The following DOCK11 variants were observed in gnomAD, a reference collection of about 807,000 sequenced individuals.
DOCK11 encodes dedicator of cytokinesis 11.
Under a neutral mutation model 169.1 loss-of-function variants are expected in DOCK11, and 70 were observed. The observed-to-expected ratio is 0.41, with a 90% CI of 0.34 to 0.51. DOCK11 has a LOEUF of 0.51. Ranked by LOEUF, DOCK11 falls within the 20% of genes least tolerant of loss-of-function variation. The pLI is 0.10. For missense variants in DOCK11, 1,166 were observed against 1,538.8 expected (o/e 0.76, Z 4.05); for synonymous variants, 529 against 541.3 (o/e 0.98, Z 0.32).
intron 1 of DOCK11, among the ~76,000 whole-genome samples, chrX:118,525,185 A>ACTT (rs35044566): frequency 0.12 from 13,601 of 109,920 alleles, 1,981 homozygotes; most frequent in African/African-American, 0.41. Context: ...CAGCAATTCT[A>ACTT]TTAGGTGGAA....
At position 118,503,858 on chromosome X, in the gene DOCK11, G is replaced by C. The variant is rs772826449; in HGVS notation, c.102+7785G>C. 7.2e-5 allele frequency among the ~76,000 whole-genome samples: 8 copies of C among 111,192 alleles called. No homozygotes were observed. The South Asian group carries it at 2.7e-3, about 37-fold the overall frequency. ...AGTGGGAGGCAGGGTGTGGGGAAAC[G>C]ATCTGGAGGCCAGCCCCAGACTTCC... On this transcript the variant is annotated intron_variant, in intron 1 of 52. Transcript: ENST00000276202.
At chrX:118,517,860 G>T (rs770698624) in intron 1 of DOCK11, among the ~76,000 whole-genome samples, 1 of 111,617 alleles carries the variant, frequency 9.0e-6, no homozygotes, top group African/African-American at 3.2e-5. Context: ...CTAGATATTT[G>T]CCTGTACATC....
intron 11 of DOCK11, 60 bp downstream of exon 11, chrX:118,572,523 C>T: frequency 1.9e-6 from 2 of 1,079,608 alleles, no homozygotes; most frequent in Non-Finnish European, 1.2e-6. Context: ...ATGTCTTTCT[C>T]AAAATAATTT....
chrX:118,627,788 G>A (rs1007345635), intron 33 of DOCK11, among the ~76,000 whole-genome samples: 1 of 112,095 alleles, frequency 8.9e-6, no homozygotes, highest in African/African-American at 3.2e-5. Context: ...TTGGCATACT[G>A]AGAAAATAGA....
intron 1 of DOCK11, among the ~76,000 whole-genome samples, chrX:118,541,564 A>G (rs146791438): frequency 0.013 from 1,405 of 112,196 alleles, 24 homozygotes; most frequent in African/African-American, 0.044. Flanking sequence ...CTGGGTTTGA[A>G]TTCCAGTTCT....
At position 118,599,139 on chromosome X, in the gene DOCK11, G is replaced by A; in HGVS notation, c.2473G>A (p.Asp825Asn). The A allele has an allele frequency of 8.3e-7, 1 of 1,207,107 alleles. No individual in the cohort carries two copies. Among genetic ancestry groups the A allele is most frequent in the East Asian group, 3.0e-5 (1 of 33,807 alleles). Residue 825 changes from aspartate to asparagine, a missense_variant and splice_region_variant, in exon 23 of 53, where the codon GAT becomes AAT. Transcript: ENST00000276202. Reference protein sequence around the residue: ...SHLESTIYTQDLHVHKFFHHC... With the variant: ...SHLESTIYTQNLHVHKFFHHC... ...ATGGCTGTTTCCATCTGTGTTCCAGGATCTGCATGTGCACAAATTCTTCCA... is the reference window on the plus strand; with the variant it reads ...ATGGCTGTTTCCATCTGTGTTCCAGAATCTGCATGTGCACAAATTCTTCCA...
At chrX:118,543,988 A>C (rs960448722) in intron 4 of DOCK11, among the ~76,000 whole-genome samples, 12 of 112,239 alleles carry the variant, frequency 1.1e-4, no homozygotes, top group Admixed American at 8.5e-4. Flanking sequence ...TTTCAGTTAT[A>C]ATTTGTAATA....
chrX:118,541,268 C>T (rs1227744442), intron 1 of DOCK11, among the ~76,000 whole-genome samples: 1 of 111,898 alleles, frequency 8.9e-6, no homozygotes, highest in Non-Finnish European at 1.9e-5. Flanking sequence ...CCCCGCTCCC[C>T]CGCAGTTGCA....
At chrX:118,517,404 A>G (rs754374701) in intron 1 of DOCK11, among the ~76,000 whole-genome samples, 7 of 107,614 alleles carry the variant, frequency 6.5e-5, no homozygotes, top group South Asian at 4.2e-4. Context: ...AAAATAAAAT[A>G]AATAAAAGAG....
chrX:118,536,293 T>G (rs768422158), intron 1 of DOCK11, among the ~76,000 whole-genome samples: 1 of 109,227 alleles, frequency 9.2e-6, no homozygotes, highest in African/African-American at 3.3e-5. Context: ...AGTAAGACCT[T>G]GTCTCAAAAA....
chrX:118,551,163 T>C (rs370484149), intron 6 of DOCK11, among the ~76,000 whole-genome samples: 64 of 112,110 alleles, frequency 5.7e-4, no homozygotes, highest in African/African-American at 2.0e-3. Context: ...TGCAAACTCA[T>C]GGCAAACTAA....
intron 23 of DOCK11, among the ~76,000 whole-genome samples, chrX:118,602,094 C>CTT (rs536697143): frequency 1.2e-3 from 90 of 74,590 alleles, no homozygotes; most frequent in Middle Eastern, 7.4e-3. Flanking sequence ...CCGGCCAAGA[C>CTT]TTTTTTTTTT....
intron 1 of DOCK11, among the ~76,000 whole-genome samples, chrX:118,504,360 C>T: frequency 9.0e-6 from 1 of 111,238 alleles, no homozygotes; most frequent in East Asian, 2.8e-4. Flanking sequence ...CTGAGAAATT[C>T]CTATATAGTG....
At chrX:118,575,344 ATGAAAGGC>A (rs2013411842) in intron 12 of DOCK11, among the ~76,000 whole-genome samples, 1 of 112,100 alleles carries the variant, frequency 8.9e-6, no homozygotes, top group Non-Finnish European at 1.9e-5. Flanking sequence ...TCATATTTAT[ATGAAAGGC>A]TAACATGACA....
At chrX:118,601,972 T>C (rs1293328942) in intron 23 of DOCK11, among the ~76,000 whole-genome samples, 1 of 104,848 alleles carries the variant, frequency 9.5e-6, no homozygotes, top group African/African-American at 3.5e-5. Flanking sequence ...TATTTTTTAG[T>C]AGAGATGGGG....
intron 31 of DOCK11, among the ~76,000 whole-genome samples, chrX:118,622,614 T>C (rs2015002130): frequency 8.9e-6 from 1 of 111,895 alleles, no homozygotes; most frequent in African/African-American, 3.3e-5. Context: ...GCAGCTAAAA[T>C]TTATTGAGGA....
chrX:118,685,558 C>G, intron 52 of DOCK11, 130 bp from the exon 53 acceptor site: 3 of 853,073 alleles, frequency 3.5e-6, no homozygotes, highest in Non-Finnish European at 4.9e-6. Context: ...TCTTTGCTCT[C>G]TCTGCTTTCT....
chrX:118,530,878 A>G (rs2011511684), intron 1 of DOCK11, among the ~76,000 whole-genome samples: 1 of 112,233 alleles, frequency 8.9e-6, no homozygotes, highest in Admixed American at 9.4e-5. Context: ...TGCCTGACAC[A>G]TGGTTAATGC....
chrX:118,585,127 T>C lies in DOCK11; in HGVS notation c.1795+10T>C. 2 of 1,169,697 alleles carry C rather than the reference T, an allele frequency of 1.7e-6. No homozygotes were observed. The highest frequency in any genetic ancestry group is 2.3e-6 in the Non-Finnish European group (2 of 858,129). On this transcript the variant is annotated intron_variant, in intron 16 of 52. Coordinates refer to ENST00000276202, the MANE Select transcript of DOCK11 (RefSeq NM_144658.4). ...CCTGTGGATTTATCAAGTAAGAACA[T>C]ATTGCAAATAAACCTTAAGCATAAT...
Sources: allele counts gnomAD v4.1 joint callset (sites outside exome capture counted in the v4.1 genomes callset), GRCh38; gene constraint gnomAD v4.1.1; transcripts MANE v1.5; gene names NCBI Gene and HGNC (gene_info 2026-07-23, HGNC 2026-07-21).